RPS6KC1: variants seen among roughly 807,000 people sequenced by gnomAD.
The protein encoded by RPS6KC1 is inactive ribosomal protein S6 kinase delta-1.
In RPS6KC1, 54 loss-of-function variants were observed where a neutral mutation model predicts 103.8. The ratio of observed to expected loss-of-function variants is 0.52; its 90% CI spans 0.42 to 0.65. The LOEUF (loss-of-function observed/expected upper bound fraction) is 0.65, where lower values mean the gene tolerates loss of function less well. RPS6KC1 is among the 30% of genes least tolerant of loss of function. The pLI is 0.00. For synonymous variants in RPS6KC1, 439 were observed against 438.7 expected (o/e 1.00, Z -0.01); for missense variants, 1,151 against 1,253.8 (o/e 0.92, Z 1.24).
the RPS6KC1 span, among the ~76,000 whole-genome samples, chr1:213,484,629 C>T: frequency 1.3e-5 from 2 of 152,290 alleles, no homozygotes; most frequent in East Asian, 3.9e-4. Flanking sequence ...TCAATCAACC[C>T]ACATTAAAGG....
At chr1:213,437,108 G>A in the RPS6KC1 span, among the ~76,000 whole-genome samples, 3 of 151,974 alleles carry the variant, frequency 2.0e-5, no homozygotes, top group Non-Finnish European at 2.9e-5. Flanking sequence ...CTTCAGTATT[G>A]CACTATGAAA....
the RPS6KC1 span, among the ~76,000 whole-genome samples, chr1:213,843,162 A>G: frequency 2.0e-5 from 3 of 152,146 alleles, no homozygotes; most frequent in African/African-American, 7.2e-5. Flanking sequence ...TGCTCTTAAG[A>G]CCTTCTGCTG....
At chr1:213,611,982 G>A in the RPS6KC1 span, among the ~76,000 whole-genome samples, 5 of 152,166 alleles carry the variant, frequency 3.3e-5, no homozygotes, top group Admixed American at 1.3e-4. Flanking sequence ...GAAACCAGAT[G>A]GATAGACCAG....
chr1:213,471,241 A>G, the RPS6KC1 span, among the ~76,000 whole-genome samples: 1 of 152,206 alleles, frequency 6.6e-6, no homozygotes, highest in Admixed American at 6.5e-5. Context: ...TGGTATAACT[A>G]GAGGCTCCAG....
At chr1:213,747,493 G>T in the RPS6KC1 span, among the ~76,000 whole-genome samples, 1 of 152,192 alleles carries the variant, frequency 6.6e-6, no homozygotes, top group African/African-American at 2.4e-5. Context: ...ACCAGCAGAA[G>T]AAATAGCACT....
chr1:213,823,666 A>T, the RPS6KC1 span, among the ~76,000 whole-genome samples: 3 of 151,404 alleles, frequency 2.0e-5, no homozygotes, highest in Non-Finnish European at 4.4e-5. Context: ...TCCAGCCAAA[A>T]CATTCAAGTT....
At chr1:213,756,122 A>G in the RPS6KC1 span, among the ~76,000 whole-genome samples, 1 of 152,194 alleles carries the variant, frequency 6.6e-6, no homozygotes, top group Non-Finnish European at 1.5e-5. Context: ...CAAGGAAGAA[A>G]TCTTACCTGT....
intron 14 of RPS6KC1, among the ~76,000 whole-genome samples, chr1:213,268,524 GAC>G (rs2094962711): frequency 6.8e-6 from 1 of 147,622 alleles, no homozygotes; most frequent in South Asian, 2.1e-4. Flanking sequence ...TCATAGAAAA[GAC>G]AAAAAAATAT....
the RPS6KC1 span, among the ~76,000 whole-genome samples, chr1:213,333,340 G>A: frequency 4.6e-5 from 7 of 152,166 alleles, no homozygotes; most frequent in South Asian, 2.1e-4. Context: ...AATGGAATGC[G>A]TGTCATGAGT....
the RPS6KC1 span, among the ~76,000 whole-genome samples, chr1:213,289,566 G>A: frequency 1.3e-5 from 2 of 152,178 alleles, no homozygotes; most frequent in Non-Finnish European, 2.9e-5. Flanking sequence ...AATGGGACAC[G>A]CATAGGGGAA....
chr1:213,379,840 G>T, the RPS6KC1 span, among the ~76,000 whole-genome samples: 2 of 152,068 alleles, frequency 1.3e-5, no homozygotes, highest in African/African-American at 4.8e-5. Flanking sequence ...TTCTGGTGAG[G>T]TTGTGGAGAA....
At chr1:213,799,790 C>T in the RPS6KC1 span, among the ~76,000 whole-genome samples, 1 of 152,186 alleles carries the variant, frequency 6.6e-6, no homozygotes, top group Non-Finnish European at 1.5e-5. Context: ...GGAGCTTCAG[C>T]TCCACTGAAG....
chr1:213,674,955 C>T, the RPS6KC1 span, among the ~76,000 whole-genome samples: 62 of 152,208 alleles, frequency 4.1e-4, 1 homozygote, highest in South Asian at 4.1e-4. Flanking sequence ...AGTGTCTGTT[C>T]GTGTCCTTTG....
At chr1:213,073,769 G>A (rs1413767752) in intron 2 of RPS6KC1, among the ~76,000 whole-genome samples, 1 of 151,892 alleles carries the variant, frequency 6.6e-6, no homozygotes, top group Non-Finnish European at 1.5e-5. Flanking sequence ...TCGGCCTCCC[G>A]GGCTCAAGTG....
the RPS6KC1 span, among the ~76,000 whole-genome samples, chr1:213,516,253 C>T: frequency 1.3e-5 from 2 of 152,012 alleles, no homozygotes; most frequent in South Asian, 2.1e-4. Context: ...CTGGCCAGTA[C>T]TTCCAACACT....
the RPS6KC1 span, among the ~76,000 whole-genome samples, chr1:213,615,498 C>T: frequency 3.9e-5 from 6 of 152,274 alleles, no homozygotes; most frequent in Non-Finnish European, 8.8e-5. Flanking sequence ...CTCTGCCCGA[C>T]ATGCCTTCAG....
chr1:213,179,267 T>C (rs1398477940), intron 8 of RPS6KC1, among the ~76,000 whole-genome samples: 2 of 151,676 alleles, frequency 1.3e-5, no homozygotes, highest in Non-Finnish European at 2.9e-5. Flanking sequence ...ATACAGAAAT[T>C]AGCTGGGCAT....
the RPS6KC1 span, among the ~76,000 whole-genome samples, chr1:213,627,571 G>T: frequency 5.9e-5 from 9 of 152,072 alleles, no homozygotes; most frequent in Admixed American, 1.3e-4. Flanking sequence ...GTCATAGATA[G>T]CTCTTATTAT....
chr1:213,757,811 G>A, the RPS6KC1 span, among the ~76,000 whole-genome samples: 2 of 152,186 alleles, frequency 1.3e-5, no homozygotes, highest in East Asian at 3.9e-4. Flanking sequence ...CTTGTTTCAG[G>A]CTAATGCATC....
Sources: gnomAD v4.1 joint callset for allele counts (sites outside exome capture counted in the v4.1 genomes callset) on GRCh38, gnomAD v4.1.1 for gene constraint, MANE v1.5 for transcripts, NCBI Gene and HGNC (gene_info 2026-07-23, HGNC 2026-07-21) for gene names.